Variants in GATB observed in about 807,000 individuals in gnomAD.
GATB encodes the protein glutamyl-tRNA amidotransferase subunit B, also known as glutamyl-tRNA(Gln) amidotransferase subunit B, mitochondrial.
GATB carries 39 observed loss-of-function variants against 62.3 expected under a neutral mutation model. The observed-to-expected ratio is 0.63, with a 90% confidence interval of 0.48 to 0.82. The LOEUF (loss-of-function observed/expected upper bound fraction) is 0.82, where lower values mean the gene tolerates loss of function less well. Among genes scored for constraint, GATB ranks in the 40% least tolerant of loss-of-function variants. The pLI is 0.00. For synonymous variants in GATB, 276 were observed against 258.9 expected (o/e 1.07, Z -0.63); for missense variants, 670 against 684.0 (o/e 0.98, Z 0.23).
At chr4:151,731,940 CGCCCCG>C (rs1739266680) in intron 2 of GATB, among the ~76,000 whole-genome samples, 1 of 103,964 alleles carries the variant, frequency 9.6e-6, no homozygotes, top group African/African-American at 4.3e-5. Context: ...CCGGGCCAGC[CGCCCCG>C]TCCGGGAGGG....
At chr4:151,759,587 C>T (rs969654846) in intron 1 of GATB, among the ~76,000 whole-genome samples, 1 of 152,092 alleles carries the variant, frequency 6.6e-6, no homozygotes, top group Non-Finnish European at 1.5e-5. Context: ...TTCCTGAGAC[C>T]TAATTTCAGG....
intron 2 of GATB, among the ~76,000 whole-genome samples, chr4:151,749,515 TG>T (rs1232517241): frequency 4.7e-5 from 1 of 21,356 alleles, no homozygotes; most frequent in African/African-American, 1.9e-4. Context: ...TGTTGTGGGG[TG>T]GGGGTGGGGG....
chr4:151,680,140 T>C (rs937275250), intron 10 of GATB, among the ~76,000 whole-genome samples: 1 of 152,148 alleles, frequency 6.6e-6, no homozygotes, highest in Non-Finnish European at 1.5e-5. Context: ...TTGGCAGAAG[T>C]TGTAGCAACA....
chr4:151,726,792 G>C (rs1739145887), intron 2 of GATB, among the ~76,000 whole-genome samples: 1 of 152,150 alleles, frequency 6.6e-6, no homozygotes, highest in African/African-American at 2.4e-5. Context: ...AGTGTCAAAA[G>C]TCCCATTTTT....
chr4:151,741,571 T>C (rs1363628076), intron 2 of GATB, among the ~76,000 whole-genome samples: 2 of 152,184 alleles, frequency 1.3e-5, no homozygotes, highest in African/African-American at 4.8e-5. Flanking sequence ...GCAAGCTGCC[T>C]GGAGACTTCC....
Position 151,688,698 on chromosome 4 carries a change from CTT to C in GATB, c.1261_1262del (p.Lys421GlyfsTer3). ...AAGTGTTGAGGACCCAACTAGTCAC[CTT>C]TTTTGGCTCTGCCCTAGTTTCTTTT... ...VIKETRAEPK[K>X]VTSWVLNTFL... On this transcript the variant is annotated frameshift_variant, in exon 10 of 13. Coordinates refer to ENST00000263985, the MANE Select transcript of GATB (RefSeq NM_004564.3). LOFTEE classifies it high-confidence loss of function. The C allele has an allele frequency of 6.2e-7, 1 of 1,613,554 alleles. No individual in the cohort carries two copies. The highest frequency in any genetic ancestry group is 8.5e-7 in the Non-Finnish European group (1 of 1,179,804).
At chr4:151,691,202 T>C (rs993548091) in intron 9 of GATB, among the ~76,000 whole-genome samples, 5 of 152,184 alleles carry the variant, frequency 3.3e-5, no homozygotes, top group African/African-American at 1.2e-4. Context: ...GAACCTTTAA[T>C]GTCCTCCTCA....
At chr4:151,758,030 CTGA>C (rs1739871827) in intron 2 of GATB, among the ~76,000 whole-genome samples, 1 of 152,178 alleles carries the variant, frequency 6.6e-6, no homozygotes, top group Non-Finnish European at 1.5e-5. Context: ...AAAAGTCTTG[CTGA>C]TGAGTATACT....
chr4:151,692,959 C>T (rs1340560440), intron 9 of GATB, among the ~76,000 whole-genome samples: 1 of 152,176 alleles, frequency 6.6e-6, no homozygotes, highest in African/African-American at 2.4e-5. Flanking sequence ...AAGGCTCTCC[C>T]ACGTCACAGT....
At chr4:151,736,715 T>C (rs1411743218) in intron 2 of GATB, among the ~76,000 whole-genome samples, 1 of 152,240 alleles carries the variant, frequency 6.6e-6, no homozygotes, top group Non-Finnish European at 1.5e-5. Flanking sequence ...AAATCTCATC[T>C]TGAATTCCCA....
chr4:151,728,170 C>T (rs1351520754), intron 2 of GATB, among the ~76,000 whole-genome samples: 1 of 152,106 alleles, frequency 6.6e-6, no homozygotes, highest in African/African-American at 2.4e-5. Context: ...ACCTTGTATG[C>T]CTTCCCATGG....
chr4:151,736,936 A>C (rs940280869), intron 2 of GATB, among the ~76,000 whole-genome samples: 2 of 152,228 alleles, frequency 1.3e-5, no homozygotes, highest in African/African-American at 2.4e-5. Flanking sequence ...GCCAGGTGGA[A>C]CTGTAAGTCC....
Position 151,727,628 on chromosome 4 carries a change from A to ATGT in GATB, c.328-8091_328-8090insACA, listed in dbSNP as rs1465694002. 9.8e-5 allele frequency among the ~76,000 whole-genome samples: 15 copies of ATGT among 152,340 alleles called. No individual in the cohort carries two copies. In the East Asian group the frequency reaches 2.9e-3, roughly 29 times the overall value. On this transcript the variant is annotated intron_variant, in intron 2 of 12. Transcript: ENST00000263985. ...TGAGAAGACATATACTAATTGATGAACTAGGGCAAAATTTAGTCAGAAAGA... is the reference window on the plus strand; with the variant it reads ...TGAGAAGACATATACTAATTGATGAATGTCTAGGGCAAAATTTAGTCAGAAAGA...
At chr4:151,686,589 G>A (rs1738250814) in intron 10 of GATB, among the ~76,000 whole-genome samples, 1 of 149,120 alleles carries the variant, frequency 6.7e-6, no homozygotes, top group Non-Finnish European at 1.5e-5. Context: ...GACACCTACT[G>A]CCCATTCTTT....
At chr4:151,724,374 C>T (rs1481676973) in intron 2 of GATB, 1 of 152,440 alleles carries the variant, frequency 6.6e-6, no homozygotes. Flanking sequence ...CCTCCATTTT[C>T]AGCCCTCTAG....
chr4:151,732,159 C>T (rs1356671095), intron 2 of GATB, among the ~76,000 whole-genome samples: 4 of 152,194 alleles, frequency 2.6e-5, no homozygotes, highest in East Asian at 1.9e-4. Context: ...CGCCTCTGCC[C>T]GGCCACCCCT....
rs374321259 is a variant in GATB, at chr4:151,760,873, T to C, written c.110A>G (p.Asn37Ser). The C allele has an allele frequency of 6.3e-5, 101 of 1,613,978 alleles. No homozygotes were observed. The highest frequency in any genetic ancestry group is 2.9e-4 in the South Asian group (26 of 91,024). The change falls in exon 1 of 13, where the codon AAC becomes AGC. Residue 37 changes from asparagine (N) to serine (S), a missense_variant. Coordinates refer to ENST00000263985, the MANE Select transcript of GATB (RefSeq NM_004564.3). ...RRGAPTGSTSNQIRGESSVAQ... is the reference protein window; with the variant it reads ...RRGAPTGSTSSQIRGESSVAQ... Reference sequence around the variant, plus strand: ...CACTGAGCTCTCTCCCCTAATCTGGTTGGATGTGGACCCAGTCGGAGCCCC... The same window carrying C: ...CACTGAGCTCTCTCCCCTAATCTGGCTGGATGTGGACCCAGTCGGAGCCCC...
At chr4:151,742,566 A>G (rs531946401) in intron 2 of GATB, among the ~76,000 whole-genome samples, 10 of 152,296 alleles carry the variant, frequency 6.6e-5, no homozygotes, top group African/African-American at 2.4e-4. Flanking sequence ...GCAATGGGAC[A>G]GGGGGTATGG....
At chr4:151,750,503 T>C (rs1240461579) in intron 2 of GATB, among the ~76,000 whole-genome samples, 1 of 152,146 alleles carries the variant, frequency 6.6e-6, no homozygotes, top group East Asian at 1.9e-4. Context: ...TTTAAGAACG[T>C]GGACTCCTAA....
Sources: gnomAD v4.1 joint callset for allele counts (sites outside exome capture counted in the v4.1 genomes callset) on GRCh38, gnomAD v4.1.1 for gene constraint, MANE v1.5 for transcripts, NCBI Gene and HGNC (gene_info 2026-07-23, HGNC 2026-07-21) for gene names.